The following KALRN variants were observed in gnomAD, a reference collection of about 807,000 sequenced individuals.
KALRN encodes kalirin RhoGEF kinase.
In KALRN, 70 loss-of-function variants were observed where a neutral mutation model predicts 353.7. That is an observed-to-expected ratio of 0.20 (90% CI 0.16 to 0.24). The LOEUF (loss-of-function observed/expected upper bound fraction) is 0.24, where lower values mean the gene tolerates loss of function less well. Among genes scored for constraint, KALRN ranks in the 10% least tolerant of loss-of-function variants. The pLI, the probability that KALRN is intolerant of heterozygous loss-of-function variation, is 1.00. For synonymous variants in KALRN, 1,391 were observed against 1,434.8 expected, an observed-to-expected ratio of 0.97 and a Z score of 0.69; for missense variants, 2,791 against 3,756.7, an observed-to-expected ratio of 0.74 and a Z score of 6.72.
chr3:124,439,522 A>G (rs563626152), intron 18 of KALRN, among the ~76,000 whole-genome samples: 12 of 152,340 alleles, frequency 7.9e-5, no homozygotes, highest in African/African-American at 2.9e-4. Flanking sequence ...TTTGATAGTA[A>G]TATCAAAAAC....
At chr3:124,675,826 C>T (rs111450058) in intron 49 of KALRN, among the ~76,000 whole-genome samples, 61 of 152,212 alleles carry the variant, frequency 4.0e-4, no homozygotes, top group African/African-American at 1.4e-3. Context: ...CCATGGAAGA[C>T]GTGGTGCAGG....
At chr3:124,664,833 T>C (rs1256740761) in intron 45 of KALRN, among the ~76,000 whole-genome samples, 1 of 152,248 alleles carries the variant, frequency 6.6e-6, no homozygotes, top group African/African-American at 2.4e-5. Context: ...CCTCAGCCCA[T>C]GGCTTTGGGC....
intron 57 of KALRN, among the ~76,000 whole-genome samples, chr3:124,711,948 A>G (rs1018976727): frequency 6.6e-6 from 1 of 152,220 alleles, no homozygotes; most frequent in African/African-American, 2.4e-5. Flanking sequence ...CAAACATAAA[A>G]TAAAATGAAA....
At chr3:124,234,085 T>TTG (rs2079482628) in intron 2 of KALRN, among the ~76,000 whole-genome samples, 1 of 152,170 alleles carries the variant, frequency 6.6e-6, no homozygotes, top group Non-Finnish European at 1.5e-5. Flanking sequence ...ACAGAAATTG[T>TTG]CATTTTGGTA....
intron 10 of KALRN, among the ~76,000 whole-genome samples, chr3:124,352,967 A>G (rs765251105): frequency 7.9e-5 from 12 of 152,232 alleles, no homozygotes; most frequent in Admixed American, 3.9e-4. Context: ...TACCTATGTA[A>G]CAAACCTGCA....
At chr3:124,405,830 G>C (rs146564869) in intron 13 of KALRN, among the ~76,000 whole-genome samples, 2 of 151,966 alleles carry the variant, frequency 1.3e-5, no homozygotes, top group Non-Finnish European at 2.9e-5. Flanking sequence ...ATTTTTAGTA[G>C]AGATGAGGTT....
intron 1 of KALRN, among the ~76,000 whole-genome samples, chr3:124,061,396 A>T (rs1367015996): frequency 6.6e-6 from 1 of 152,198 alleles, no homozygotes. Flanking sequence ...ACAACATGTC[A>T]GTGACAGAGC....
rs2087977126 is a variant in KALRN at position 124,384,938 on chromosome 3, C to G, written c.1864C>G (p.Arg622Gly). The change falls in exon 11 of 60, where the codon CGA (arginine) becomes GGA (glycine). Residue 622 changes from arginine (R) to glycine (G), a missense_variant. Transcript: ENST00000682506. ...CDPEEIYKAA[R>G]HLEVRIQDFV... ...CCCCGAGGAGATCTACAAGGCAGCT[C>G]GACACCTGGAGGTGCGCATCCAAGA... 3 of 1,613,988 alleles carry G rather than the reference C, an allele frequency of 1.9e-6. No homozygotes were observed. The highest frequency in any genetic ancestry group is 2.7e-5 in the African/African-American group (2 of 74,934).
intron 2 of KALRN, among the ~76,000 whole-genome samples, chr3:124,233,051 C>T (rs1034710636): frequency 6.6e-6 from 1 of 152,112 alleles, no homozygotes; most frequent in African/African-American, 2.4e-5. Flanking sequence ...TCCTGAATCT[C>T]ATGTCTCCAA....
chr3:124,706,575 CT>C (rs35656778), intron 57 of KALRN, among the ~76,000 whole-genome samples: 38,637 of 146,048 alleles, frequency 0.26, 5,713 homozygotes, highest in East Asian at 0.47. Context: ...TTTTCTTTTT[CT>C]TTTTTTTTTT....
intron 1 of KALRN, among the ~76,000 whole-genome samples, chr3:124,216,078 G>A (rs1036368115): frequency 1.3e-5 from 2 of 152,166 alleles, no homozygotes; most frequent in Non-Finnish European, 2.9e-5. Flanking sequence ...ACTAACCTCA[G>A]TTCTTCCAGC....
chr3:124,125,088 G>A (rs2064489516), intron 1 of KALRN, among the ~76,000 whole-genome samples: 1 of 152,190 alleles, frequency 6.6e-6, no homozygotes. Context: ...TCAGAACCTG[G>A]AGTATAAGGA....
intron 33 of KALRN, among the ~76,000 whole-genome samples, chr3:124,546,223 G>T (rs922407504): frequency 2.6e-5 from 4 of 151,196 alleles, no homozygotes; most frequent in African/African-American, 9.7e-5. Flanking sequence ...AATTTGGGAG[G>T]TGGGCAGATC....
At position 124,227,663 on chromosome 3, in the gene KALRN, G is replaced by GTTTTT. The variant is rs747087120; in HGVS notation, c.74-289_74-285dup. Among the ~76,000 whole-genome samples, 169 of 69,260 alleles carry GTTTTT rather than the reference G, an allele frequency of 2.4e-3. 31 individuals carry two copies. Among genetic ancestry groups the GTTTTT allele is most frequent in the Non-Finnish European group, 3.2e-3 (111 of 34,498 alleles). The allele number at this position is 69,260 out of a possible 152,430, so 45.4% of individuals were successfully genotyped here. On this transcript the variant is annotated intron_variant, in intron 1 of 59. Transcript: ENST00000682506. ...CAAGTTGCTCAATAGCAACAGGGCT[G>GTTTTT]TTTTTTTTTTTTTTTTTTTTTTTTT...
chr3:124,288,095 G>C (rs575267208), intron 5 of KALRN, among the ~76,000 whole-genome samples: 1 of 151,834 alleles, frequency 6.6e-6, no homozygotes, highest in East Asian at 1.9e-4. Context: ...GGCTGGTCTC[G>C]AGCTCCTGAC....
chr3:124,662,793 A>G (rs1358777166), intron 45 of KALRN, among the ~76,000 whole-genome samples: 1 of 152,170 alleles, frequency 6.6e-6, no homozygotes, highest in African/African-American at 2.4e-5. Flanking sequence ...ACATTTCTAG[A>G]GGCTAGAGGT....
At chr3:124,102,634 T>G (rs1187923126) in intron 1 of KALRN, among the ~76,000 whole-genome samples, 1 of 152,192 alleles carries the variant, frequency 6.6e-6, no homozygotes, top group African/African-American at 2.4e-5. Context: ...TTTTCTGAAT[T>G]TTTGCAGCTT....
Position 124,268,892 on chromosome 3 carries a change from G to A in KALRN, c.606G>A (p.Leu202=), listed in dbSNP as rs2073860201. 3 of 1,613,972 alleles carry A rather than the reference G, an allele frequency of 1.9e-6. No homozygotes were observed. Among genetic ancestry groups the A allele is most frequent in the Admixed American group, 3.3e-5 (2 of 59,992 alleles). The change falls in exon 5 of 60, where the codon CTG becomes CTA. Residue 202 remains leucine, a synonymous_variant. Coordinates refer to ENST00000682506, the MANE Select transcript of KALRN (RefSeq NM_001388419.1). ...AGTTCTTCAACAGCGCCGTGCACCTGCTCTCGCGCCTCGAGGACCTCCAGG... is the reference window on the plus strand; with the variant it reads ...AGTTCTTCAACAGCGCCGTGCACCTACTCTCGCGCCTCGAGGACCTCCAGG... ...LEEFFNSAVH[L]LSRLEDLQEM...
chr3:124,474,251 AT>A (rs1009413392), intron 25 of KALRN, among the ~76,000 whole-genome samples: 1 of 152,006 alleles, frequency 6.6e-6, no homozygotes, highest in African/African-American at 2.4e-5. Flanking sequence ...TGTAGGCTGA[AT>A]TTTTTTCTAC....
Sources: gnomAD v4.1 joint callset for allele counts (sites outside exome capture counted in the v4.1 genomes callset) on GRCh38, gnomAD v4.1.1 for gene constraint, MANE v1.5 for transcripts, NCBI Gene and HGNC (gene_info 2026-07-23, HGNC 2026-07-21) for gene names.